SENP6: variants seen among roughly 807,000 people sequenced by gnomAD.
SENP6 encodes sentrin-specific protease 6.
SENP6 carries 41 observed loss-of-function variants against 134.5 expected under a neutral mutation model. That is an observed-to-expected ratio of 0.30 (90% CI 0.24 to 0.40). SENP6 has a LOEUF of 0.40. Ranked by LOEUF, SENP6 falls within the 10% of genes least tolerant of loss-of-function variation. The pLI, the probability that SENP6 is intolerant of heterozygous loss-of-function variation, is 1.00. For missense variants in SENP6, 1,248 were observed against 1,312.5 expected (o/e 0.95, Z 0.76); for synonymous variants, 395 against 429.8 (o/e 0.92, Z 1.00).
chr6:75,637,793 A>C (rs919790215), intron 5 of SENP6, among the ~76,000 whole-genome samples: 9 of 152,174 alleles, frequency 5.9e-5, no homozygotes, highest in African/African-American at 2.2e-4. Context: ...TATAATTCAT[A>C]AATAGGAATA....
intron 7 of SENP6, among the ~76,000 whole-genome samples, chr6:75,649,742 C>T (rs1292089465): frequency 2.6e-5 from 4 of 152,170 alleles, no homozygotes; most frequent in Admixed American, 2.6e-4. Flanking sequence ...GTCTCAAACT[C>T]CTGACCTCGT....
intron 6 of SENP6, among the ~76,000 whole-genome samples, chr6:75,645,561 G>T (rs1361327115): frequency 6.6e-6 from 1 of 152,210 alleles, no homozygotes; most frequent in Non-Finnish European, 1.5e-5. Flanking sequence ...AGGTTGCAGT[G>T]AGCCAAGATT....
chr6:75,663,156 C>A, intron 8 of SENP6, 65 bp from the exon 9 acceptor site: 2 of 1,456,662 alleles, frequency 1.4e-6, no homozygotes, highest in East Asian at 2.3e-5. Context: ...CGTGAATGTT[C>A]AAAATGTGGA....
Position 75,647,724 on chromosome 6 carries a change from T to C in SENP6, c.480-7T>C, listed in dbSNP as rs1348682939. The C allele has an allele frequency of 6.3e-6, 10 of 1,594,022 alleles. No homozygotes were observed. The highest frequency in any genetic ancestry group is 8.6e-6 in the Non-Finnish European group (10 of 1,162,794). On this transcript the variant is annotated splice_region_variant and splice_polypyrimidine_tract_variant and intron_variant, in intron 6 of 23. Transcript: ENST00000447266. Reference sequence around the variant, plus strand: ...TTAGAATAAAACTACATAAATTTCTTTTTTAGGAAAGAATACCCACCTCAT... The same window carrying C: ...TTAGAATAAAACTACATAAATTTCTCTTTTAGGAAAGAATACCCACCTCAT...
chr6:75,642,449 A>T (rs1770101730), intron 6 of SENP6, among the ~76,000 whole-genome samples: 1 of 152,228 alleles, frequency 6.6e-6, no homozygotes, highest in Non-Finnish European at 1.5e-5. Flanking sequence ...TGCCACGATC[A>T]TAAGAATGGC....
intron 6 of SENP6, among the ~76,000 whole-genome samples, chr6:75,643,602 A>C (rs1770196238): frequency 6.6e-6 from 1 of 152,170 alleles, no homozygotes; most frequent in Non-Finnish European, 1.5e-5. Flanking sequence ...TGCGCCTGTA[A>C]TCCCAGCTAC....
At chr6:75,643,388 G>A (rs1057016460) in intron 6 of SENP6, among the ~76,000 whole-genome samples, 3 of 152,192 alleles carry the variant, frequency 2.0e-5, no homozygotes, top group African/African-American at 7.2e-5. Context: ...GAAAGCATGA[G>A]TGGAATTTTA....
intron 1 of SENP6, among the ~76,000 whole-genome samples, chr6:75,617,996 C>T (rs1271954592): frequency 6.6e-6 from 1 of 152,174 alleles, no homozygotes; most frequent in African/African-American, 2.4e-5. Context: ...CTATTTTCAT[C>T]ATACCATATT....
chr6:75,656,275 T>A (rs964166887), intron 7 of SENP6, among the ~76,000 whole-genome samples: 1 of 151,834 alleles, frequency 6.6e-6, no homozygotes. Flanking sequence ...AGTATCCTAA[T>A]CTTCATGTTC....
At chr6:75,675,378 G>C in intron 11 of SENP6, 57 bp from the exon 12 acceptor site, 1 of 995,376 alleles carries the variant, frequency 1.0e-6, no homozygotes, top group Non-Finnish European at 1.5e-6. Context: ...GAATAAAAAA[G>C]TGAAGCCTGC....
intron 13 of SENP6, chr6:75,676,525 T>C (rs928450845): frequency 6.5e-6 from 1 of 154,968 alleles, no homozygotes; most frequent in African/African-American, 2.4e-5. Flanking sequence ...AAAGCATGGC[T>C]TGACTGCTTA....
At chr6:75,641,946 T>C (rs1161933973) in intron 6 of SENP6, among the ~76,000 whole-genome samples, 3 of 152,154 alleles carry the variant, frequency 2.0e-5, no homozygotes, top group African/African-American at 7.2e-5. Flanking sequence ...GCCTTTCAAA[T>C]GCCTGAATTT....
chr6:75,686,344 T>C (rs1425417676), intron 16 of SENP6, among the ~76,000 whole-genome samples: 1 of 152,230 alleles, frequency 6.6e-6, no homozygotes, highest in African/African-American at 2.4e-5. Context: ...CTTGACTCTT[T>C]ATCCAATTTG....
At chr6:75,657,682 C>G (rs1458807236) in intron 7 of SENP6, among the ~76,000 whole-genome samples, 1 of 152,184 alleles carries the variant, frequency 6.6e-6, no homozygotes, top group Non-Finnish European at 1.5e-5. Flanking sequence ...AACGTAATTT[C>G]TGCTCTTCCC....
At chr6:75,661,918 G>T (rs1376833621) in intron 8 of SENP6, among the ~76,000 whole-genome samples, 1 of 152,166 alleles carries the variant, frequency 6.6e-6, no homozygotes, top group Non-Finnish European at 1.5e-5. Flanking sequence ...TGAGCATGGT[G>T]GTGGGCACCT....
At position 75,713,651 on chromosome 6, in the gene SENP6, C is replaced by T. The variant is rs751200681; in HGVS notation, c.2979-24C>T. The T allele has an allele frequency of 2.5e-6, 4 of 1,593,068 alleles. No homozygotes were observed. In the South Asian group the frequency reaches 4.4e-5, roughly 18 times the overall value. On this transcript the variant is annotated intron_variant, in intron 22 of 23. Coordinates refer to ENST00000447266, the MANE Select transcript of SENP6 (RefSeq NM_015571.4). Reference sequence around the variant, plus strand: ...ATGTATATTTATATATGTGTGTATTCTTAATATATATGAATTATTGCAGGT... The same window carrying T: ...ATGTATATTTATATATGTGTGTATTTTTAATATATATGAATTATTGCAGGT...
At chr6:75,664,260 T>TG (rs1554168842) in intron 9 of SENP6, among the ~76,000 whole-genome samples, 2,569 of 140,498 alleles carry the variant, frequency 0.018, 49 homozygotes, top group East Asian at 0.11. Context: ...ACCCTGTTGC[T>TG]AAAAAAAAAA....
At chr6:75,697,725 A>G (rs1774752377) in intron 18 of SENP6, 2 of 448,286 alleles carry the variant, frequency 4.5e-6, no homozygotes, top group Admixed American at 3.7e-5. Flanking sequence ...ACAATAGACC[A>G]GATACCTTTC....
intron 1 of SENP6, among the ~76,000 whole-genome samples, chr6:75,617,194 C>G (rs1218328626): frequency 6.8e-6 from 1 of 146,362 alleles, no homozygotes; most frequent in African/African-American, 2.5e-5. Context: ...TGTTTTAAAA[C>G]TTTTTCTTTT....
Sources: gnomAD v4.1 joint callset for allele counts (sites outside exome capture counted in the v4.1 genomes callset) on GRCh38, gnomAD v4.1.1 for gene constraint, MANE v1.5 for transcripts, NCBI Gene and HGNC (gene_info 2026-07-23, HGNC 2026-07-21) for gene names.